Variants in DIAPH2 observed in about 807,000 individuals in gnomAD.
DIAPH2 encodes protein diaphanous homolog 2.
A neutral mutation model predicts 92.7 loss-of-function variants in DIAPH2; 35 were observed. The ratio of observed to expected loss-of-function variants is 0.38; its 90% CI spans 0.29 to 0.50. The LOEUF (loss-of-function observed/expected upper bound fraction) is 0.50, where lower values mean the gene tolerates loss of function less well. Ranked by LOEUF, DIAPH2 falls within the 20% of genes least tolerant of loss-of-function variation. DIAPH2 has a pLI of 0.94. For synonymous variants in DIAPH2, 301 were observed against 280.4 expected, an observed-to-expected ratio of 1.07 and a Z score of -0.73; for missense variants, 701 against 819.5, an observed-to-expected ratio of 0.86 and a Z score of 1.77.
chrX:97,549,086 T>C (rs919245037), intron 26 of DIAPH2, among the ~76,000 whole-genome samples: 41 of 112,567 alleles, frequency 3.6e-4, no homozygotes, highest in Non-Finnish European at 1.9e-4. Flanking sequence ...TTCTAATTTA[T>C]AACATTTTGT....
At chrX:96,986,918 A>T (rs1047483647) in intron 17 of DIAPH2, among the ~76,000 whole-genome samples, 5 of 111,831 alleles carry the variant, frequency 4.5e-5, no homozygotes, top group Non-Finnish European at 9.5e-5. Flanking sequence ...TGTGGAAAAT[A>T]CATTTTTCTA....
At chrX:96,937,143 T>C in intron 10 of DIAPH2, 90 bp from the exon 11 acceptor site, 1 of 410,844 alleles carries the variant, frequency 2.4e-6, no homozygotes, top group Non-Finnish European at 3.9e-6. Context: ...TCTGTGTTTA[T>C]AAATGAATAA....
At position 97,095,185 on chromosome X, in the gene DIAPH2, T is replaced by C. The variant is rs1243007612; in HGVS notation, c.2248-4509T>C. Among the ~76,000 whole-genome samples, 3 of 89,378 alleles carry C rather than the reference T, an allele frequency of 3.4e-5. No individual in the cohort carries two copies. In the Admixed American group the frequency reaches 4.2e-4, roughly 13 times the overall value. 77.6% of individuals were successfully genotyped at this position (89,378 alleles called of 115,157 possible). ...AGGCTGGAGTGCAGTGGCGCTATCT[T>C]GGCTCACTGCAAGCTCTGCCTCCCG... On this transcript the variant is annotated intron_variant, in intron 19 of 26. Coordinates refer to ENST00000324765, the MANE Select transcript of DIAPH2 (RefSeq NM_006729.5).
chrX:97,568,790 G>C (rs1362462741), intron 26 of DIAPH2, among the ~76,000 whole-genome samples: 1 of 111,916 alleles, frequency 8.9e-6, no homozygotes, highest in South Asian at 3.8e-4. Flanking sequence ...CACTATGTTT[G>C]TGGCTTGCAT....
At chrX:97,291,158 G>A (rs1435452073) in intron 23 of DIAPH2, among the ~76,000 whole-genome samples, 2 of 104,128 alleles carry the variant, frequency 1.9e-5, no homozygotes, top group Non-Finnish European at 2.0e-5. Context: ...AGGCCGAGGC[G>A]GGCAGATCAC....
chrX:96,888,248 A>G (rs2065278050), intron 5 of DIAPH2, among the ~76,000 whole-genome samples: 1 of 108,430 alleles, frequency 9.2e-6, no homozygotes, highest in Non-Finnish European at 1.9e-5. Context: ...TTTAGTAAAG[A>G]CGGGGTTTCG....
At chrX:96,714,102 C>G in intron 1 of DIAPH2, among the ~76,000 whole-genome samples, 1 of 110,894 alleles carries the variant, frequency 9.0e-6, no homozygotes, top group Non-Finnish European at 1.9e-5. Flanking sequence ...TAGGTTGTTC[C>G]TACAGCCTCC....
At chrX:97,198,265 T>TACACACAC (rs200339851) in intron 22 of DIAPH2, among the ~76,000 whole-genome samples, 1,952 of 88,984 alleles carry the variant, frequency 0.022, 81 homozygotes, top group African/African-American at 0.076. Flanking sequence ...AACAACAAAA[T>TACACACAC]ACACACACAC....
chrX:97,017,860 T>C (rs1230121538), intron 17 of DIAPH2, among the ~76,000 whole-genome samples: 1 of 111,915 alleles, frequency 8.9e-6, no homozygotes, highest in African/African-American at 3.3e-5. Flanking sequence ...GGAAAAGCCA[T>C]GTGAGTGGAG....
At chrX:97,069,009 C>T (rs887082114) in intron 17 of DIAPH2, among the ~76,000 whole-genome samples, 2 of 111,390 alleles carry the variant, frequency 1.8e-5, no homozygotes, top group Admixed American at 1.9e-4. Flanking sequence ...GTTGTCCAGG[C>T]TGGAATGCAG....
At chrX:96,971,435 T>G (rs1232952154) in intron 17 of DIAPH2, among the ~76,000 whole-genome samples, 1 of 111,323 alleles carries the variant, frequency 9.0e-6, no homozygotes. Context: ...TGTGTATGTG[T>G]GTGTGTGTGG....
intron 23 of DIAPH2, among the ~76,000 whole-genome samples, chrX:97,281,542 A>G (rs1569350264): frequency 9.0e-6 from 1 of 111,095 alleles, no homozygotes; most frequent in Non-Finnish European, 1.9e-5. Context: ...CAGGAGATCG[A>G]GACCATCCTG....
chrX:97,091,875 C>T (rs1042917789), intron 19 of DIAPH2, among the ~76,000 whole-genome samples: 1 of 111,310 alleles, frequency 9.0e-6, no homozygotes, highest in Non-Finnish European at 1.9e-5. Context: ...AAATTCTAAC[C>T]CAAAACTTGC....
intron 17 of DIAPH2, among the ~76,000 whole-genome samples, chrX:97,022,944 G>C (rs978195119): frequency 9.0e-6 from 1 of 111,366 alleles, no homozygotes; most frequent in African/African-American, 3.3e-5. Flanking sequence ...AGCTACTTGG[G>C]AGGCTGTGGC....
chrX:97,118,994 C>G (rs1290818144), intron 21 of DIAPH2, among the ~76,000 whole-genome samples: 12 of 111,707 alleles, frequency 1.1e-4, no homozygotes, highest in African/African-American at 3.9e-4. Context: ...TGGGCTTCAC[C>G]TTTCTCTGGT....
rs950554104 is a variant in DIAPH2 at position 97,600,830 on chromosome X, ATAAAG to A, written c.*1518_*1522del. On this transcript the variant is annotated 3_prime_UTR_variant, in exon 27 of 27. Coordinates refer to ENST00000324765, the MANE Select transcript of DIAPH2 (RefSeq NM_006729.5). ...CTGGCTTGGCAAATCCCCATCTGAG[ATAAAG>A]TAAACAAGTGACCAGCAGCCCACAG... is the stretch of plus-strand genomic sequence containing the variant. 8.9e-6 allele frequency: 1 copy of A among 112,215 alleles called. No homozygotes were observed. The highest frequency in any genetic ancestry group is 3.2e-5 in the African/African-American group (1 of 30,895). The allele number at this position is 112,215 out of a possible 1,213,427, so 9.2% of individuals were successfully genotyped here.
In DIAPH2 at chrX:97,247,767, T is replaced by C; in HGVS notation, c.2772T>C (p.Val924=). The C allele has an allele frequency of 8.3e-7, 1 of 1,207,136 alleles. No individual in the cohort carries two copies. The highest frequency in any genetic ancestry group is 1.1e-6 in the Non-Finnish European group (1 of 891,860). ...SNLASMEQQI[V]HLERDIKKFP... ...TTGCATCAATGGAACAACAAATTGTTCATCTGGAACGTGACATCAAGAAAT... is the reference window on the plus strand; with the variant it reads ...TTGCATCAATGGAACAACAAATTGTCCATCTGGAACGTGACATCAAGAAAT... Residue 924 remains valine (V), a synonymous_variant, in exon 23 of 27, where the codon GTT becomes GTC. Transcript: ENST00000324765.
chrX:97,120,614 GTTTTTTTTT>G (rs139009030), intron 21 of DIAPH2, among the ~76,000 whole-genome samples: 1 of 75,849 alleles, frequency 1.3e-5, no homozygotes, highest in Non-Finnish European at 2.5e-5. Context: ...TTTTTTGTGG[GTTTTTTTTT>G]TTTTTTTTTT....
chrX:96,925,745 C>T (rs2065576499), intron 9 of DIAPH2, among the ~76,000 whole-genome samples: 1 of 111,905 alleles, frequency 8.9e-6, no homozygotes, highest in Non-Finnish European at 1.9e-5. Context: ...AATACTTCAT[C>T]TGGCTGTTGC....
Sources: gnomAD v4.1 joint callset for allele counts (sites outside exome capture counted in the v4.1 genomes callset) on GRCh38, gnomAD v4.1.1 for gene constraint, MANE v1.5 for transcripts, NCBI Gene and HGNC (gene_info 2026-07-23, HGNC 2026-07-21) for gene names.